LAMA2: variants seen among roughly 807,000 people sequenced by gnomAD.
LAMA2 encodes laminin subunit alpha-2.
LAMA2 carries 269 observed loss-of-function variants against 364.8 expected under a neutral mutation model. The ratio of observed to expected loss-of-function variants is 0.74; its 90% CI spans 0.67 to 0.82. The LOEUF (loss-of-function observed/expected upper bound fraction) is 0.82, where lower values mean the gene tolerates loss of function less well. LAMA2 is among the 40% of genes least tolerant of loss of function. The pLI is 0.00. For synonymous variants in LAMA2, 1,379 were observed against 1,370.6 expected (o/e 1.01, Z -0.14); for missense variants, 3,807 against 3,873.2 (o/e 0.98, Z 0.45).
At chr6:129,445,896 C>G in intron 45 of LAMA2, 75 bp downstream of exon 45, 1 of 1,401,850 alleles carries the variant, frequency 7.1e-7, no homozygotes, top group South Asian at 1.2e-5. Context: ...TGTCTTTCCC[C>G]AGGATTCCCC....
intron 12 of LAMA2, among the ~76,000 whole-genome samples, chr6:129,230,123 A>G (rs1338955227): frequency 1.3e-5 from 2 of 152,166 alleles, no homozygotes; most frequent in Non-Finnish European, 2.9e-5. Context: ...ATAGCACCCC[A>G]ACATTTAGAG....
intron 3 of LAMA2, among the ~76,000 whole-genome samples, chr6:129,072,595 C>T (rs1773390012): frequency 6.6e-6 from 1 of 152,050 alleles, no homozygotes; most frequent in Non-Finnish European, 1.5e-5. Context: ...ATATTCTCAT[C>T]TGTTTTCTGT....
intron 35 of LAMA2, among the ~76,000 whole-genome samples, chr6:129,388,646 A>G (rs1438581665): frequency 1.3e-5 from 2 of 152,168 alleles, no homozygotes; most frequent in Admixed American, 1.3e-4. Context: ...AAATTTCAAA[A>G]GATATTTCTT....
At chr6:129,312,056 T>A (rs565449602) in intron 22 of LAMA2, among the ~76,000 whole-genome samples, 1 of 145,498 alleles carries the variant, frequency 6.9e-6, no homozygotes, top group Non-Finnish European at 1.5e-5. Context: ...TTAGAACAGA[T>A]GTAAAAATCA....
chr6:129,209,985 C>G (rs1782980682), intron 12 of LAMA2, among the ~76,000 whole-genome samples: 1 of 119,518 alleles, frequency 8.4e-6, no homozygotes, highest in African/African-American at 3.4e-5. Flanking sequence ...GCCCGGGCGA[C>G]AGAGCGAGAC....
chr6:129,013,362 G>T (rs548711025), intron 1 of LAMA2, among the ~76,000 whole-genome samples: 1 of 152,108 alleles, frequency 6.6e-6, no homozygotes, highest in African/African-American at 2.4e-5. Context: ...GCGGGAACCC[G>T]GGAGGCGGAG....
chr6:129,181,001 G>A (rs955119342), intron 10 of LAMA2, among the ~76,000 whole-genome samples: 1 of 151,996 alleles, frequency 6.6e-6, no homozygotes, highest in African/African-American at 2.4e-5. Flanking sequence ...AGTGAAATGG[G>A]GGCTAGAAAA....
intron 17 of LAMA2, among the ~76,000 whole-genome samples, chr6:129,277,270 A>G (rs1788395659): frequency 6.6e-6 from 1 of 152,190 alleles, no homozygotes; most frequent in Non-Finnish European, 1.5e-5. Context: ...TCACGGAACA[A>G]TTAGCTTCAT....
rs3062342 is a variant in LAMA2, at chr6:129,314,398, C to CAAAAAAAAAAAAAAAAAAAAAAA, written c.3412-236_3412-235insAAAAAAAAAAAAAAAAAAAAAAA. On this transcript the variant is annotated intron_variant, in intron 23 of 64. Coordinates refer to ENST00000421865, the MANE Select transcript of LAMA2 (RefSeq NM_000426.4). ...TGGGCGAAAGAGCGAGACTCCGTCTCAAAAAAAAAAAAAAAAAAAAAGTAC... is the reference window on the plus strand; with the variant it reads ...TGGGCGAAAGAGCGAGACTCCGTCTCAAAAAAAAAAAAAAAAAAAAAAAAAAAAAAAAAAAAAAAAAAAAGTAC... Among the ~76,000 whole-genome samples, 22 of 81,860 alleles carry CAAAAAAAAAAAAAAAAAAAAAAA rather than the reference C, an allele frequency of 2.7e-4. 1 individual carries two copies. Among genetic ancestry groups the CAAAAAAAAAAAAAAAAAAAAAAA allele is most frequent in the African/African-American group, 9.3e-4 (17 of 18,190 alleles). The allele number at this position is 81,860 out of a possible 152,430, so 53.7% of individuals were successfully genotyped here. A position where few individuals can be genotyped will look rare whatever the true frequency, so the allele number is the denominator to read the frequency against.
chr6:129,045,436 T>C (rs1404785584), intron 1 of LAMA2, among the ~76,000 whole-genome samples: 1 of 152,206 alleles, frequency 6.6e-6, no homozygotes, highest in East Asian at 1.9e-4. Flanking sequence ...TTGTAAGCTT[T>C]TTAAAGAGCT....
At chr6:129,336,476 A>G (rs773638377) in intron 29 of LAMA2, among the ~76,000 whole-genome samples, 4 of 152,196 alleles carry the variant, frequency 2.6e-5, no homozygotes, top group Non-Finnish European at 5.9e-5. Context: ...TATGTGTCCA[A>G]AACTGTGTAT....
At chr6:129,021,783 AG>A (rs1248944654) in intron 1 of LAMA2, among the ~76,000 whole-genome samples, 1 of 152,226 alleles carries the variant, frequency 6.6e-6, no homozygotes, top group Non-Finnish European at 1.5e-5. Flanking sequence ...AAGTCAGAAA[AG>A]CTTGCTGTGT....
chr6:128,985,310 G>A (rs1159447283), intron 1 of LAMA2, among the ~76,000 whole-genome samples: 1 of 152,164 alleles, frequency 6.6e-6, no homozygotes, highest in African/African-American at 2.4e-5. Context: ...CCACCATGCA[G>A]TTTAAAACTA....
intron 29 of LAMA2, among the ~76,000 whole-genome samples, chr6:129,335,381 T>A (rs1255090715): frequency 6.6e-6 from 1 of 151,840 alleles, no homozygotes; most frequent in Non-Finnish European, 1.5e-5. Context: ...GATAGATAGA[T>A]AGATAGATAG....
rs187942973 is a variant in LAMA2 at position 128,984,795 on chromosome 6, C to T, written c.113-65123C>T. Reference sequence around the variant, plus strand: ...TAAATTTTACTCCGTCCTCAGTTTTCCTGAGGGAGTGTCAGCTACTGTGTT... The same window carrying T: ...TAAATTTTACTCCGTCCTCAGTTTTTCTGAGGGAGTGTCAGCTACTGTGTT... On this transcript the variant is annotated intron_variant, in intron 1 of 64. Coordinates refer to ENST00000421865, the MANE Select transcript of LAMA2 (RefSeq NM_000426.4). Among the ~76,000 whole-genome samples, 7 of 152,044 alleles carry T rather than the reference C, an allele frequency of 4.6e-5. 1 individual carries two copies. Among genetic ancestry groups the T allele is most frequent in the African/African-American group, 1.7e-4 (7 of 41,490 alleles).
intron 35 of LAMA2, among the ~76,000 whole-genome samples, chr6:129,391,126 A>G (rs1779293797): frequency 6.6e-6 from 1 of 152,150 alleles, no homozygotes; most frequent in South Asian, 2.1e-4. Context: ...TGACTATCTT[A>G]TCAGCAATGC....
At chr6:129,242,141 A>G (rs1785431887) in intron 12 of LAMA2, among the ~76,000 whole-genome samples, 1 of 152,190 alleles carries the variant, frequency 6.6e-6, no homozygotes, top group Non-Finnish European at 1.5e-5. Context: ...ACAAGGCAAG[A>G]TGAGAACTCT....
At chr6:129,351,333 T>C (rs1776842674) in intron 31 of LAMA2, among the ~76,000 whole-genome samples, 2 of 152,222 alleles carry the variant, frequency 1.3e-5, no homozygotes, top group Admixed American at 1.3e-4. Context: ...TATTTGTTAA[T>C]ATCCAGTAGT....
intron 4 of LAMA2, among the ~76,000 whole-genome samples, chr6:129,114,395 G>A (rs974608826): frequency 1.3e-5 from 2 of 151,942 alleles, no homozygotes; most frequent in African/African-American, 4.8e-5. Context: ...AAGACTGCAA[G>A]GTTAAAGAAC....
Sources: allele counts gnomAD v4.1 joint callset (sites outside exome capture counted in the v4.1 genomes callset), GRCh38; gene constraint gnomAD v4.1.1; transcripts MANE v1.5; gene names NCBI Gene and HGNC (gene_info 2026-07-23, HGNC 2026-07-21).